Variants in PTPRG observed in about 807,000 individuals in gnomAD.
PTPRG encodes receptor-type tyrosine-protein phosphatase gamma.
A neutral mutation model predicts 165.3 loss-of-function variants in PTPRG; 102 were observed. The ratio of observed to expected loss-of-function variants is 0.62; its 90% CI spans 0.53 to 0.73. The LOEUF (loss-of-function observed/expected upper bound fraction) is 0.73. PTPRG is among the 30% of genes least tolerant of loss of function. PTPRG has a pLI of 0.00. For synonymous variants in PTPRG, 675 were observed against 669.5 expected (o/e 1.01, Z -0.13); for missense variants, 1,866 against 1,861.4 (o/e 1.00, Z -0.05).
At chr3:61,999,286 A>T (rs954750504) in intron 3 of PTPRG, among the ~76,000 whole-genome samples, 2 of 152,028 alleles carry the variant, frequency 1.3e-5, no homozygotes, top group Non-Finnish European at 2.9e-5. Context: ...ACCTCAGGTG[A>T]TCCGCCCCCC....
chr3:61,680,745 TACAGG>T (rs1703414919), intron 1 of PTPRG, among the ~76,000 whole-genome samples: 6 of 136,584 alleles, frequency 4.4e-5, no homozygotes, highest in Admixed American at 7.5e-5. Flanking sequence ...TCAGGTGTGG[TACAGG>T]TTGCAGGGAG....
intron 2 of PTPRG, among the ~76,000 whole-genome samples, chr3:61,953,511 C>T (rs75579889): frequency 0.018 from 2,745 of 152,268 alleles, 48 homozygotes; most frequent in Middle Eastern, 0.041. Context: ...AGGTTACCTA[C>T]GGGCTCCCTA....
chr3:61,600,188 A>ACATGTG lies in PTPRG; in HGVS notation c.85+37816_85+37817insCATGTG, dbSNP rs1553639781. Among the ~76,000 whole-genome samples the ACATGTG allele has an allele frequency of 7.1e-4, 94 of 133,318 alleles. 1 individual carries two copies. The highest frequency in any genetic ancestry group is 2.4e-3 in the African/African-American group (85 of 35,824). The allele number at this position is 133,318 out of a possible 152,430, so 87.5% of individuals were successfully genotyped here. A position where few individuals can be genotyped will look rare whatever the true frequency, so the allele number is the denominator to read the frequency against. On this transcript the variant is annotated intron_variant, in intron 1 of 29. Coordinates refer to ENST00000474889, the MANE Select transcript of PTPRG (RefSeq NM_002841.4). ...AAAAAAAAAAAATATATATATATATATATATGTGTGTGTGTGTGTGTGTGT... is the reference window on the plus strand; with the variant it reads ...AAAAAAAAAAAATATATATATATATACATGTGTATATGTGTGTGTGTGTGTGTGTGT...
At chr3:61,843,585 C>T (rs1263735339) in intron 2 of PTPRG, among the ~76,000 whole-genome samples, 1 of 152,082 alleles carries the variant, frequency 6.6e-6, no homozygotes, top group African/African-American at 2.4e-5. Flanking sequence ...ATAATGTTGG[C>T]AGTTCCTAGA....
At chr3:61,747,673 C>T (rs1038295136) in intron 1 of PTPRG, among the ~76,000 whole-genome samples, 4 of 151,976 alleles carry the variant, frequency 2.6e-5, no homozygotes, top group African/African-American at 9.7e-5. Flanking sequence ...GTCTAAAAGG[C>T]TAATAATATC....
chr3:62,026,136 A>C lies in PTPRG; in HGVS notation c.519+22639A>C, dbSNP rs529047569. ...CTCATAGATTTACTAGCATCACTGC[A>C]TAAATAGCCATAATGGAATTGATTT... On this transcript the variant is annotated intron_variant, in intron 4 of 29. Transcript: ENST00000474889. Among the ~76,000 whole-genome samples, 7 of 152,318 alleles carry C rather than the reference A, an allele frequency of 4.6e-5. No homozygotes were observed. In the South Asian group the frequency reaches 1.5e-3, roughly 32 times the overall value.
rs140427682 is a variant in PTPRG at position 62,019,179 on chromosome 3, C to T, written c.519+15682C>T. ...AATTCCTGAGGTCCCTCTGCGACCTCCTGAATCAGATGTTGAACAGTAAGA... is the reference window on the plus strand; with the variant it reads ...AATTCCTGAGGTCCCTCTGCGACCTTCTGAATCAGATGTTGAACAGTAAGA... On this transcript the variant is annotated intron_variant, in intron 4 of 29. Transcript: ENST00000474889. Among the ~76,000 whole-genome samples, 106 of 152,250 alleles carry T rather than the reference C, an allele frequency of 7.0e-4. 6 individuals are homozygous for T. The East Asian group carries it at 0.012, about 18-fold the overall frequency.
chr3:62,273,044 A>G lies in PTPRG; in HGVS notation c.3281A>G (p.His1094Arg), dbSNP rs778044422. ...GTTAACGTCCTGGGATTCCTGAAGC[A>G]TATCAGGACACAGCGTAACTACCTC... ...STVNVLGFLKHIRTQRNYLVQ... is the reference protein window; with the variant it reads ...STVNVLGFLKRIRTQRNYLVQ... Residue 1094 changes from histidine (H) to arginine (R), a missense_variant, in exon 22 of 30, where the codon CAT (histidine) becomes CGT (arginine). His to Arg is a conservative substitution (Grantham distance 29). Around this residue, in one of 3 missense-constraint regions of PTPRG, gnomAD observed 1,452 missense variants for 1,463.0 expected, o/e 0.99. Coordinates refer to ENST00000474889, the MANE Select transcript of PTPRG (RefSeq NM_002841.4). This position sits in a 1 kb window ranked among gnomAD's most constrained non-coding sequence, Gnocchi z 4.1. 4.8e-5 allele frequency: 77 copies of G among 1,613,650 alleles called. No individual in the cohort carries two copies. The highest frequency in any genetic ancestry group is 5.9e-5 in the Non-Finnish European group (70 of 1,179,790).
intron 4 of PTPRG, among the ~76,000 whole-genome samples, chr3:62,006,956 G>T (rs1293180917): frequency 1.3e-5 from 2 of 152,146 alleles, no homozygotes; most frequent in African/African-American, 2.4e-5. Context: ...AAATACATTT[G>T]AATAAAGAGG....
intron 1 of PTPRG, among the ~76,000 whole-genome samples, chr3:61,625,919 A>G (rs1396286643): frequency 6.6e-6 from 1 of 152,046 alleles, no homozygotes; most frequent in African/African-American, 2.4e-5. Context: ...TTCTATGCAA[A>G]TATTTCAAGC....
chr3:61,703,568 C>T (rs1463641819), intron 1 of PTPRG, among the ~76,000 whole-genome samples: 1 of 152,174 alleles, frequency 6.6e-6, no homozygotes, highest in Non-Finnish European at 1.5e-5. Flanking sequence ...TTGGTGCTAA[C>T]TGGCTGTATG....
chr3:61,678,104 G>A (rs6784338), intron 1 of PTPRG, among the ~76,000 whole-genome samples: 10,049 of 152,200 alleles, frequency 0.066, 360 homozygotes, highest in East Asian at 0.11. Context: ...AGGGGCTGTG[G>A]CTGGGATCAT....
At chr3:61,916,419 T>A (rs2038936893) in intron 2 of PTPRG, among the ~76,000 whole-genome samples, 1 of 152,216 alleles carries the variant, frequency 6.6e-6, no homozygotes, top group Non-Finnish European at 1.5e-5. Flanking sequence ...AGAGACTATT[T>A]TAACCTCCTA....
At chr3:61,619,856 A>G (rs948287193) in intron 1 of PTPRG, among the ~76,000 whole-genome samples, 12 of 152,168 alleles carry the variant, frequency 7.9e-5, no homozygotes, top group Non-Finnish European at 1.2e-4. Flanking sequence ...AACCCTAGGA[A>G]GTCTAGCTTT....
Position 61,961,883 on chromosome 3 carries a change from G to A in PTPRG, c.191-27742G>A, listed in dbSNP as rs116914523. On this transcript the variant is annotated intron_variant, in intron 2 of 29. Coordinates refer to ENST00000474889, the MANE Select transcript of PTPRG (RefSeq NM_002841.4). ...ACTGTCTTTATCAGGCCTTCCAGGTGATGCGCATGTGGCTAGAGTTTGAGA... is the reference window on the plus strand; with the variant it reads ...ACTGTCTTTATCAGGCCTTCCAGGTAATGCGCATGTGGCTAGAGTTTGAGA... 1.3e-3 allele frequency among the ~76,000 whole-genome samples: 191 copies of A among 152,290 alleles called. 5 individuals carry two copies. In the East Asian group the frequency reaches 0.03, roughly 24 times the overall value.
chr3:62,282,934 A>G lies in PTPRG; in HGVS notation c.4055+65A>G, dbSNP rs562943100. On this transcript the variant is annotated intron_variant, in intron 28 of 29. Transcript: ENST00000474889. ...TTTTGTTTAATTTCTTGTTGAAAGC[A>G]GTAGAAAAGGAAGCCAGAATTTTAA... is the stretch of plus-strand genomic sequence containing the variant. 235 of 1,483,312 alleles carry G rather than the reference A, an allele frequency of 1.6e-4. 3 individuals are homozygous for G. The Middle Eastern group carries it at 3.5e-3, about 22-fold the overall frequency. 91.9% of individuals were successfully genotyped at this position (1,483,312 alleles called of 1,614,324 possible). A position where few individuals can be genotyped will look rare whatever the true frequency, so the allele number is the denominator to read the frequency against.
rs374827014 is a variant in PTPRG, at chr3:62,213,690, G to A, written c.2156-5161G>A. ...TGTGGCACGCTGCAGCTGTTGTACC[G>A]AAAGGCCTACAGCATGTTCTGGTCT... On this transcript the variant is annotated intron_variant, in intron 12 of 29. Transcript: ENST00000474889. This position sits in a 1 kb window ranked among gnomAD's most constrained non-coding sequence, Gnocchi z 4.4. Among the ~76,000 whole-genome samples, 17 of 152,250 alleles carry A rather than the reference G, an allele frequency of 1.1e-4. No individual in the cohort carries two copies. In the East Asian group the frequency reaches 1.9e-3, roughly 17 times the overall value.
intron 6 of PTPRG, among the ~76,000 whole-genome samples, chr3:62,153,744 T>A (rs763757637): frequency 9.2e-5 from 14 of 152,226 alleles, no homozygotes; most frequent in Non-Finnish European, 2.1e-4. Context: ...ATTTATAATC[T>A]TCACTACTGC....
intron 4 of PTPRG, among the ~76,000 whole-genome samples, chr3:62,064,969 T>C (rs543859396): frequency 1.6e-3 from 248 of 152,226 alleles, no homozygotes; most frequent in African/African-American, 5.9e-3. Flanking sequence ...CCTGACCTCC[T>C]GATCCTCCCA....
Sources: gnomAD v4.1 joint callset for allele counts (sites outside exome capture counted in the v4.1 genomes callset) on GRCh38, gnomAD v4.1.1 for gene constraint, gnomAD v4.1.1 regional missense constraint, Gnocchi (gnomAD v3.1) non-coding constraint, MANE v1.5 for transcripts, NCBI Gene and HGNC (gene_info 2026-07-23, HGNC 2026-07-21) for gene names.